SCUBE1: variants seen among roughly 807,000 people sequenced by gnomAD.
SCUBE1 encodes signal peptide, CUB and EGF-like domain-containing protein 1.
A neutral mutation model predicts 124.4 loss-of-function variants in SCUBE1; 59 were observed. The ratio of observed to expected loss-of-function variants is 0.47; its 90% CI spans 0.38 to 0.59. SCUBE1 has a LOEUF of 0.59. Among genes scored for constraint, SCUBE1 ranks in the 20% least tolerant of loss-of-function variants. The probability of loss-of-function intolerance (pLI) is 0.00; values close to 1 mark genes in which losing one functional copy is unlikely to be tolerated. For missense variants in SCUBE1, 1,150 were observed against 1,371.2 expected (o/e 0.84, Z 2.55); for synonymous variants, 545 against 550.9 (o/e 0.99, Z 0.15).
At chr22:43,254,006 G>C (rs1923562047) in intron 6 of SCUBE1, among the ~76,000 whole-genome samples, 1 of 152,238 alleles carries the variant, frequency 6.6e-6, no homozygotes, top group Non-Finnish European at 1.5e-5. Flanking sequence ...ACTCATGCCT[G>C]CCTGGAGGGC....
intron 3 of SCUBE1, among the ~76,000 whole-genome samples, chr22:43,315,985 G>A (rs924469034): frequency 1.3e-5 from 2 of 152,138 alleles, no homozygotes; most frequent in Non-Finnish European, 2.9e-5. Context: ...AGAGTTCCAC[G>A]TGTCAGGCAC....
chr22:43,267,921 C>T (rs1479067454), intron 4 of SCUBE1, among the ~76,000 whole-genome samples: 2 of 152,200 alleles, frequency 1.3e-5, no homozygotes, highest in Non-Finnish European at 2.9e-5. Context: ...AAAAGGTGAA[C>T]CCTGAGGCAC....
Position 43,208,125 on chromosome 22 carries a change from G to A in SCUBE1, c.2681C>T (p.Ser894Phe), listed in dbSNP as rs755911435. 6.2e-7 allele frequency: 1 copy of A among 1,614,168 alleles called. No individual in the cohort carries two copies. The change falls in exon 20 of 22, where the codon TCC becomes TTC. Residue 894 changes from serine (S) to phenylalanine (F), a missense_variant. Physicochemically the swap from Ser to Phe is radical, Grantham distance 155. Around this residue, in one of 3 missense-constraint regions of SCUBE1, gnomAD observed 757 missense variants for 840.9 expected, o/e 0.90. Coordinates refer to ENST00000360835, the MANE Select transcript of SCUBE1 (RefSeq NM_173050.5). ...GCCTTTGCCGCTGTTGCCTTCATTG[G>A]ATTTGAACTGGATCCAGAGCTTGCG... Reference protein sequence around the residue: ...RSRKLWIQFKSNEGNSGKGFQ... With the variant: ...RSRKLWIQFKFNEGNSGKGFQ...
At chr22:43,227,529 A>AGGCTGGC in intron 9 of SCUBE1, 33 bp from the exon 10 acceptor site, 1 of 1,597,854 alleles carries the variant, frequency 6.3e-7, no homozygotes, top group East Asian at 2.2e-5. Context: ...GGCAGAGGGG[A>AGGCTGGC]GGCTGGCGGC....
At chr22:43,281,405 CCTCCCTCAGCCAT>C (rs1601855201) in intron 4 of SCUBE1, among the ~76,000 whole-genome samples, 2 of 91,780 alleles carry the variant, frequency 2.2e-5, no homozygotes, top group African/African-American at 1.6e-4. Flanking sequence ...TATCCTGTCA[CCTCCCTCAGCCAT>C]CCTCCTGTCA....
chr22:43,239,262 C>G (rs552215836), intron 6 of SCUBE1, among the ~76,000 whole-genome samples: 1 of 152,372 alleles, frequency 6.6e-6, no homozygotes, highest in South Asian at 2.1e-4. Context: ...AAACTGCTAT[C>G]TGGGGCCAGA....
At chr22:43,318,112 A>G (rs1287581267) in intron 3 of SCUBE1, 1 of 152,210 alleles carries the variant, frequency 6.6e-6, no homozygotes, top group Admixed American at 6.5e-5. Flanking sequence ...TTTAAGCCCT[A>G]GTTTGTTACT....
Position 43,317,468 on chromosome 22 carries a change from C to T in SCUBE1, c.349+2469G>A, listed in dbSNP as rs115286703. 3.6e-3 allele frequency among the ~76,000 whole-genome samples: 554 copies of T among 152,328 alleles called. 7 individuals carry two copies. The highest frequency in any genetic ancestry group is 0.013 in the African/African-American group (526 of 41,558). Reference sequence around the variant, plus strand: ...GGCCATCTGGACATTATCTCAGTCACTGCTCACGACAACCCTGTGAGGAAG... The same window carrying T: ...GGCCATCTGGACATTATCTCAGTCATTGCTCACGACAACCCTGTGAGGAAG... On this transcript the variant is annotated intron_variant, in intron 3 of 21. Transcript: ENST00000360835.
intron 1 of SCUBE1, among the ~76,000 whole-genome samples, chr22:43,342,215 T>G (rs1927340172): frequency 8.7e-6 from 1 of 114,538 alleles, no homozygotes; most frequent in East Asian, 2.9e-4. Flanking sequence ...ACTCCAGCTT[T>G]TCGGGAAGCC....
At position 43,198,330 on chromosome 22, in the gene SCUBE1, C is replaced by T. The variant is rs1920956304; in HGVS notation, c.*5667G>A. On this transcript the variant is annotated 3_prime_UTR_variant, in exon 22 of 22. Transcript: ENST00000360835. ...CAGGGGACTGGAGAGGCCTTGAGGC[C>T]ATCGCAGCAGATGCTGGGAGGGCAC... 13 of 358,612 alleles carry T rather than the reference C, an allele frequency of 3.6e-5. No individual in the cohort carries two copies. The highest frequency in any genetic ancestry group is 7.2e-5 in the Non-Finnish European group (13 of 180,660). 22.2% of individuals were successfully genotyped at this position (358,612 alleles called of 1,614,324 possible).
intron 16 of SCUBE1, 50 bp downstream of exon 16, chr22:43,214,040 A>AGGGGGGGGGGGGGGGGGGG: frequency 1.8e-6 from 1 of 567,076 alleles, no homozygotes; most frequent in Non-Finnish European, 2.9e-6. Context: ...AGACAGGAGG[A>AGGGGGGGGGGGGGGGGGGG]GCCCCCGCCC....
intron 4 of SCUBE1, among the ~76,000 whole-genome samples, chr22:43,272,961 C>T (rs1018721383): frequency 5.9e-5 from 9 of 152,248 alleles, no homozygotes; most frequent in Non-Finnish European, 1.3e-4. Context: ...CAGCCTCCCA[C>T]TTTCGGTCAA....
intron 6 of SCUBE1, among the ~76,000 whole-genome samples, chr22:43,250,911 G>T (rs1923419966): frequency 6.6e-6 from 1 of 152,238 alleles, no homozygotes; most frequent in Non-Finnish European, 1.5e-5. Context: ...GGCCTGTTCT[G>T]CTCCTAACCT....
chr22:43,306,669 C>T (rs773085811), intron 3 of SCUBE1, among the ~76,000 whole-genome samples: 3 of 152,128 alleles, frequency 2.0e-5, no homozygotes, highest in Non-Finnish European at 4.4e-5. Flanking sequence ...CACCATGTGC[C>T]ACCTTCCTTC....
At chr22:43,290,388 C>T (rs1925312778) in intron 4 of SCUBE1, among the ~76,000 whole-genome samples, 1 of 152,236 alleles carries the variant, frequency 6.6e-6, no homozygotes, top group Non-Finnish European at 1.5e-5. Context: ...GCTCTGCTGC[C>T]CTGAGCCGAA....
chr22:43,225,418 A>G (rs1363996047), intron 10 of SCUBE1, among the ~76,000 whole-genome samples: 2 of 151,910 alleles, frequency 1.3e-5, no homozygotes, highest in African/African-American at 4.8e-5. Context: ...CTGTATCACA[A>G]TGAGTTCACC....
At chr22:43,217,666 T>C (rs1004722339) in intron 15 of SCUBE1, among the ~76,000 whole-genome samples, 5 of 152,160 alleles carry the variant, frequency 3.3e-5, no homozygotes, top group Admixed American at 2.0e-4. Context: ...TGGCCCACTG[T>C]CCATCTTCCG....
chr22:43,222,563 C>T, intron 12 of SCUBE1, 75 bp downstream of exon 12: 2 of 1,187,334 alleles, frequency 1.7e-6, no homozygotes, highest in South Asian at 2.7e-5. Context: ...GTGCCCTTTC[C>T]TCCCCCGCCA....
At chr22:43,321,304 G>A (rs1231719248) in intron 2 of SCUBE1, among the ~76,000 whole-genome samples, 2 of 152,232 alleles carry the variant, frequency 1.3e-5, no homozygotes, top group Non-Finnish European at 2.9e-5. Flanking sequence ...ATTGCTGGAG[G>A]AGCTGCCGCA....
Sources: gnomAD v4.1 joint callset for allele counts (sites outside exome capture counted in the v4.1 genomes callset) on GRCh38, gnomAD v4.1.1 for gene constraint, gnomAD v4.1.1 regional missense constraint, MANE v1.5 for transcripts, NCBI Gene and HGNC (gene_info 2026-07-23, HGNC 2026-07-21) for gene names.